GRIK1: variants seen among roughly 807,000 people sequenced by gnomAD.
The protein encoded by GRIK1 is glutamate receptor ionotropic, kainate 1.
Under a neutral mutation model 105.7 loss-of-function variants are expected in GRIK1, and 69 were observed. The ratio of observed to expected loss-of-function variants is 0.65; its 90% confidence interval spans 0.54 to 0.80. GRIK1 has a LOEUF of 0.80. Ranked by LOEUF, GRIK1 falls within the 30% of genes least tolerant of loss-of-function variation. GRIK1 has a pLI of 0.00. For synonymous variants in GRIK1, 438 were observed against 431.3 expected, an observed-to-expected ratio of 1.02 and a Z score of -0.19; for missense variants, 1,109 against 1,167.3, an observed-to-expected ratio of 0.95 and a Z score of 0.73.
At chr21:29,908,440 A>G (rs2070715895) in intron 1 of GRIK1, among the ~76,000 whole-genome samples, 2 of 152,046 alleles carry the variant, frequency 1.3e-5, no homozygotes, top group Non-Finnish European at 2.9e-5. Context: ...CTCTTCTTAG[A>G]GCTGGCCAAA....
At chr21:29,936,647 T>A (rs1342338331) in intron 1 of GRIK1, among the ~76,000 whole-genome samples, 1 of 152,228 alleles carries the variant, frequency 6.6e-6, no homozygotes, top group Non-Finnish European at 1.5e-5. Flanking sequence ...ACCTTCTCTG[T>A]CTCTTAACTG....
chr21:29,620,986 AT>A (rs963280001), intron 7 of GRIK1, among the ~76,000 whole-genome samples: 16 of 150,764 alleles, frequency 1.1e-4, no homozygotes, highest in Admixed American at 9.9e-4. Flanking sequence ...TGGAAAAAAA[AT>A]ATATATCTTA....
intron 7 of GRIK1, among the ~76,000 whole-genome samples, chr21:29,606,018 C>CAA (rs34512911): frequency 7.8e-6 from 1 of 127,982 alleles, no homozygotes; most frequent in Admixed American, 7.7e-5. Context: ...GAAAATGAAG[C>CAA]AAAAAAAAAA....
intron 1 of GRIK1, among the ~76,000 whole-genome samples, chr21:29,848,779 A>ATATATATATATATATATATATATTTTTT: frequency 3.2e-4 from 25 of 77,860 alleles, no homozygotes; most frequent in African/African-American, 7.6e-4. Flanking sequence ...ATATATATAT[A>ATATATATATATATATATATATATTTTTT]TTTTTTTTTT....
intron 7 of GRIK1, among the ~76,000 whole-genome samples, chr21:29,628,180 G>A (rs1227657766): frequency 6.6e-6 from 1 of 152,142 alleles, no homozygotes; most frequent in Non-Finnish European, 1.5e-5. Flanking sequence ...TCAGTTCTCA[G>A]AAAAGTTATT....
At chr21:29,774,344 G>A (rs1164006471) in intron 1 of GRIK1, among the ~76,000 whole-genome samples, 1 of 151,620 alleles carries the variant, frequency 6.6e-6, no homozygotes. Context: ...TCAAGATGCA[G>A]ATTTATTATG....
intron 9 of GRIK1, among the ~76,000 whole-genome samples, chr21:29,592,978 T>A (rs1029091804): frequency 6.6e-6 from 1 of 152,196 alleles, no homozygotes; most frequent in Non-Finnish European, 1.5e-5. Context: ...TTAGGCTCCA[T>A]CCTCCTTTGC....
chr21:29,813,714 G>A (rs932747635), intron 1 of GRIK1, among the ~76,000 whole-genome samples: 7 of 152,100 alleles, frequency 4.6e-5, no homozygotes, highest in East Asian at 1.9e-4. Flanking sequence ...CCTTCCTGGA[G>A]CACAAATGCA....
At chr21:29,840,165 G>T (rs1393953929) in intron 1 of GRIK1, among the ~76,000 whole-genome samples, 1 of 152,048 alleles carries the variant, frequency 6.6e-6, no homozygotes, top group Non-Finnish European at 1.5e-5. Flanking sequence ...TCTGTAATTT[G>T]GGGAAAATGT....
At chr21:29,908,526 G>C (rs569937077) in intron 1 of GRIK1, among the ~76,000 whole-genome samples, 105 of 152,220 alleles carry the variant, frequency 6.9e-4, no homozygotes, top group Non-Finnish European at 1.2e-3. Context: ...TTCCACAGAA[G>C]CAAACAAAAA....
chr21:29,577,718 G>A (rs1301048695), intron 13 of GRIK1, among the ~76,000 whole-genome samples: 2 of 152,106 alleles, frequency 1.3e-5, no homozygotes. Flanking sequence ...GGATGAATTA[G>A]TTTTTATTGT....
chr21:29,755,211 C>A (rs2065305236), intron 1 of GRIK1, among the ~76,000 whole-genome samples: 1 of 152,166 alleles, frequency 6.6e-6, no homozygotes, highest in East Asian at 1.9e-4. Flanking sequence ...GTTCTCAAGT[C>A]TTTTCCTGTT....
At chr21:29,557,533 G>T (rs1037653609) in intron 15 of GRIK1, among the ~76,000 whole-genome samples, 1 of 152,152 alleles carries the variant, frequency 6.6e-6, no homozygotes, top group Non-Finnish European at 1.5e-5. Context: ...GCATGGTTAA[G>T]TTAGAAAAAC....
chr21:29,591,998 C>G (rs930863211), intron 9 of GRIK1, among the ~76,000 whole-genome samples: 3 of 152,148 alleles, frequency 2.0e-5, no homozygotes, highest in South Asian at 4.1e-4. Context: ...TTGCAGTGAG[C>G]CGTGATTGCA....
chr21:29,839,546 G>A (rs572830280), intron 1 of GRIK1, among the ~76,000 whole-genome samples: 1 of 152,256 alleles, frequency 6.6e-6, no homozygotes, highest in African/African-American at 2.4e-5. Flanking sequence ...TTACAAAAGG[G>A]AAAAAGTGAG....
In GRIK1 at chr21:29,555,178, G is replaced by A; in HGVS notation, c.2481C>T (p.Ala827=). The change falls in exon 16 of 18, where the codon GCC becomes GCT. Residue 827 remains alanine (A), a synonymous_variant. Coordinates refer to ENST00000327783, the MANE Select transcript of GRIK1 (RefSeq NM_001330994.2). ...NGCPEEDNKE[A]SALGVENIGG... ...CAATATTTTCCACTCCCAGGGCACT[G>A]GCTTCTTTGTTGTCTTCCTCGGGGC... is the stretch of plus-strand genomic sequence containing the variant. The A allele has an allele frequency of 6.2e-7, 1 of 1,613,956 alleles. No individual in the cohort carries two copies. Among genetic ancestry groups the A allele is most frequent in the Non-Finnish European group, 8.5e-7 (1 of 1,179,938 alleles).
At chr21:29,670,405 T>C (rs2063141356) in intron 4 of GRIK1, among the ~76,000 whole-genome samples, 1 of 152,216 alleles carries the variant, frequency 6.6e-6, no homozygotes, top group Non-Finnish European at 1.5e-5. Flanking sequence ...TTTGCTTTTG[T>C]TTTTGTTTTA....
chr21:29,828,147 G>A (rs556904086), intron 1 of GRIK1, among the ~76,000 whole-genome samples: 1 of 151,960 alleles, frequency 6.6e-6, no homozygotes, highest in Admixed American at 6.6e-5. Flanking sequence ...CTTTTTTAAA[G>A]CTTAGTCCTG....
At chr21:29,641,693 G>C (rs1021496888) in intron 7 of GRIK1, among the ~76,000 whole-genome samples, 2 of 152,180 alleles carry the variant, frequency 1.3e-5, no homozygotes, top group African/African-American at 4.8e-5. Context: ...ACCCAAGAAT[G>C]AATGTTTCCT....
Sources: gnomAD v4.1 joint callset for allele counts (sites outside exome capture counted in the v4.1 genomes callset) on GRCh38, gnomAD v4.1.1 for gene constraint, MANE v1.5 for transcripts, NCBI Gene and HGNC (gene_info 2026-07-23, HGNC 2026-07-21) for gene names.